MALRD1: variants seen among roughly 807,000 people sequenced by gnomAD.
MALRD1 encodes the protein MAM and LDL-receptor class A domain-containing protein 1.
MALRD1 carries 247 observed loss-of-function variants against 242.1 expected under a neutral mutation model. The observed-to-expected ratio is 1.02, with a 90% confidence interval of 0.92 to 1.13. The LOEUF is 1.13. MALRD1 is among the 50% of genes most tolerant of loss of function. The pLI, the probability that MALRD1 is intolerant of heterozygous loss-of-function variation, is 0.00. For synonymous variants in MALRD1, 995 were observed against 866.6 expected (o/e 1.15, Z -2.60); for missense variants, 2,989 against 2,533.1 (o/e 1.18, Z -3.86).
At chr10:19,151,194 TG>T (rs1833933344) in intron 11 of MALRD1, among the ~76,000 whole-genome samples, 1 of 152,090 alleles carries the variant, frequency 6.6e-6, no homozygotes, top group Non-Finnish European at 1.5e-5. Context: ...TTTTTTCAAG[TG>T]TTTCCAATGT....
intron 33 of MALRD1, among the ~76,000 whole-genome samples, chr10:19,569,124 T>G (rs1243277152): frequency 6.6e-6 from 1 of 152,174 alleles, no homozygotes; most frequent in Non-Finnish European, 1.5e-5. Flanking sequence ...CATCCCATAT[T>G]CTGCCATAAT....
At chr10:19,185,168 C>T (rs146790346) in intron 14 of MALRD1, among the ~76,000 whole-genome samples, 29 of 152,226 alleles carry the variant, frequency 1.9e-4, no homozygotes, top group East Asian at 1.5e-3. Flanking sequence ...CATTTTCTCA[C>T]GCCTACATTG....
chr10:19,383,533 T>C (rs1187147015), intron 26 of MALRD1, among the ~76,000 whole-genome samples: 1 of 152,118 alleles, frequency 6.6e-6, no homozygotes, highest in African/African-American at 2.4e-5. Flanking sequence ...GTCTTTATGG[T>C]AGAATGATTT....
intron 31 of MALRD1, among the ~76,000 whole-genome samples, chr10:19,526,555 C>T (rs887659407): frequency 4.6e-5 from 7 of 151,892 alleles, no homozygotes; most frequent in African/African-American, 1.7e-4. Context: ...AATACTTTGG[C>T]CAAGATTCAG....
chr10:19,147,982 G>A (rs1833784627), intron 11 of MALRD1, among the ~76,000 whole-genome samples: 2 of 152,264 alleles, frequency 1.3e-5, no homozygotes, highest in African/African-American at 4.8e-5. Context: ...GATGAAACAG[G>A]AGAGGAAGGA....
intron 34 of MALRD1, among the ~76,000 whole-genome samples, chr10:19,603,721 G>A (rs554941583): frequency 3.9e-5 from 6 of 152,120 alleles, no homozygotes; most frequent in South Asian, 2.1e-4. Flanking sequence ...TGCTCACTTC[G>A]TGTCTGTATC....
In MALRD1 at chr10:19,553,797, T is replaced by C. The variant is rs142575267; in HGVS notation, c.5479-13705T>C. Among the ~76,000 whole-genome samples, 21 of 152,352 alleles carry C rather than the reference T, an allele frequency of 1.4e-4. 1 individual carries two copies. The highest frequency in any genetic ancestry group is 4.8e-4 in the African/African-American group (20 of 41,590). On this transcript the variant is annotated intron_variant, in intron 32 of 39. Coordinates refer to ENST00000454679, the MANE Select transcript of MALRD1 (RefSeq NM_001142308.3). ...TTACCCAGTGATACACGTGAGATTC[T>C]ACTCTACTTCCATTACTGATGGTGA...
At chr10:19,333,015 C>T (rs943355762) in intron 24 of MALRD1, among the ~76,000 whole-genome samples, 3 of 152,060 alleles carry the variant, frequency 2.0e-5, no homozygotes, top group Non-Finnish European at 4.4e-5. Context: ...CTCCCCTAGC[C>T]CCCTACCCTC....
intron 29 of MALRD1, among the ~76,000 whole-genome samples, chr10:19,484,111 G>C (rs1253348647): frequency 6.6e-6 from 1 of 152,026 alleles, no homozygotes; most frequent in Non-Finnish European, 1.5e-5. Flanking sequence ...ATAAACACTG[G>C]GAACTACTGA....
intron 38 of MALRD1, among the ~76,000 whole-genome samples, chr10:19,693,774 C>T (rs1833221922): frequency 1.3e-5 from 2 of 152,122 alleles, no homozygotes; most frequent in African/African-American, 2.4e-5. Context: ...CCAAGTCAAT[C>T]CTAAGGCAAA....
rs1275016285 is a variant in MALRD1 at position 19,087,872 on chromosome 10, T to C, written c.373T>C (p.Ser125Pro). ...CCTCTCACTGGTTTCCAGAGTGGATTCTATTTCCTCAAGTTTAAGAAGCAG... is the reference window on the plus strand; with the variant it reads ...CCTCTCACTGGTTTCCAGAGTGGATCCTATTTCCTCAAGTTTAAGAAGCAG... ...HFLSLVSRVD[S>P]ISSSLRSRVF... is the part of the protein sequence containing the mutation. Residue 125 changes from serine (S) to proline (P), a missense_variant, in exon 3 of 40, where the codon TCT (serine) becomes CCT (proline). Transcript: ENST00000454679. 1.6e-6 allele frequency: 2 copies of C among 1,233,378 alleles called. No homozygotes were observed. Among genetic ancestry groups the C allele is most frequent in the Non-Finnish European group, 2.0e-6 (2 of 987,782 alleles). 76.4% of individuals were successfully genotyped at this position (1,233,378 alleles called of 1,614,324 possible).
At chr10:19,103,543 C>A (rs1323388290) in intron 4 of MALRD1, among the ~76,000 whole-genome samples, 1 of 99,160 alleles carries the variant, frequency 1.0e-5, no homozygotes, top group Non-Finnish European at 2.1e-5. Context: ...AAAAGCGAGA[C>A]TCCGTCTCAA....
intron 5 of MALRD1, among the ~76,000 whole-genome samples, chr10:19,119,242 G>A (rs1287773560): frequency 3.9e-5 from 6 of 152,124 alleles, no homozygotes; most frequent in African/African-American, 1.4e-4. Context: ...GGAAGAGAAA[G>A]TTTATGTTGA....
rs139127812 is a variant in MALRD1, at chr10:19,726,230, A to G, written c.6315-4476A>G. 7.5e-4 allele frequency among the ~76,000 whole-genome samples: 115 copies of G among 152,342 alleles called. 2 individuals are homozygous for G. In the East Asian group the frequency reaches 0.021, roughly 28 times the overall value. On this transcript the variant is annotated intron_variant, in intron 38 of 39. Coordinates refer to ENST00000454679, the MANE Select transcript of MALRD1 (RefSeq NM_001142308.3). ...GATAAAAGTTTAATATCCAGAATAT[A>G]TAAAAATCCATACAACTTAAGAACA... is the stretch of plus-strand genomic sequence containing the variant.
chr10:19,647,102 C>T (rs1471926894), intron 36 of MALRD1, among the ~76,000 whole-genome samples: 2 of 152,258 alleles, frequency 1.3e-5, no homozygotes, highest in Admixed American at 6.5e-5. Flanking sequence ...CAGGAAGAAA[C>T]GAATGCACTT....
chr10:19,345,966 G>A (rs1588945620), intron 24 of MALRD1, among the ~76,000 whole-genome samples: 1 of 151,852 alleles, frequency 6.6e-6, no homozygotes, highest in South Asian at 2.1e-4. Context: ...TTAATTATTT[G>A]TAGAGACAAA....
intron 5 of MALRD1, among the ~76,000 whole-genome samples, chr10:19,115,891 G>GA (rs1564401477): frequency 6.6e-6 from 1 of 151,676 alleles, no homozygotes; most frequent in African/African-American, 2.4e-5. Context: ...AAAGAAAAAA[G>GA]AAAAAAATAC....
intron 24 of MALRD1, among the ~76,000 whole-genome samples, chr10:19,346,615 T>G (rs1844135284): frequency 6.6e-6 from 1 of 152,162 alleles, no homozygotes; most frequent in Non-Finnish European, 1.5e-5. Context: ...TTCTAAACAG[T>G]ACATTTTGTT....
At chr10:19,132,892 A>T (rs1336710787) in intron 8 of MALRD1, among the ~76,000 whole-genome samples, 3 of 152,118 alleles carry the variant, frequency 2.0e-5, no homozygotes, top group East Asian at 3.9e-4. Flanking sequence ...GACCAATGCC[A>T]TACATGCCGT....
Sources: allele counts gnomAD v4.1 joint callset (sites outside exome capture counted in the v4.1 genomes callset), GRCh38; gene constraint gnomAD v4.1.1; transcripts MANE v1.5; gene names NCBI Gene and HGNC (gene_info 2026-07-23, HGNC 2026-07-21).